RALGAPB: variants seen among roughly 807,000 people sequenced by gnomAD.
The protein encoded by RALGAPB is Ral GTPase activating protein non-catalytic subunit beta.
Under a neutral mutation model 161.1 loss-of-function variants are expected in RALGAPB, and 25 were observed. That is an observed-to-expected ratio of 0.16 (90% CI 0.11 to 0.22). The LOEUF is 0.22. RALGAPB is among the 10% of genes least tolerant of loss of function. The probability of loss-of-function intolerance (pLI) is 1.00; values close to 1 mark genes in which losing one functional copy is unlikely to be tolerated. For missense variants in RALGAPB, 1,391 were observed against 1,815.2 expected, an observed-to-expected ratio of 0.77 and a Z score of 4.25; for synonymous variants, 629 against 626.1, an observed-to-expected ratio of 1.00 and a Z score of -0.07.
chr20:38,562,425 G>T, intron 23 of RALGAPB, 107 bp from the exon 24 acceptor site: 1 of 932,568 alleles, frequency 1.1e-6, no homozygotes, highest in Non-Finnish European at 1.6e-6. Context: ...TTCTGAGCTT[G>T]GACATGATTT....
At chr20:38,487,117 T>G (rs1380912831) in intron 1 of RALGAPB, among the ~76,000 whole-genome samples, 2 of 152,192 alleles carry the variant, frequency 1.3e-5, no homozygotes, top group Admixed American at 6.5e-5. Flanking sequence ...GGCTGAGTAC[T>G]TCATAAGATG....
chr20:38,558,605 CA>C lies in RALGAPB; in HGVS notation c.3531+155del, dbSNP rs535272754. On this transcript the variant is annotated intron_variant, in intron 23 of 29. Coordinates refer to ENST00000262879, the MANE Select transcript of RALGAPB (RefSeq NM_020336.4). ...AAGTGCTGGAAAGTGCTTCCAAGAA[CA>C]AAGGAGAGGCTCAAGTTTTTAAAGA... 102 of 653,234 alleles carry C rather than the reference CA, an allele frequency of 1.6e-4. No homozygotes were observed. The South Asian group carries it at 3.8e-3, about 24-fold the overall frequency. The allele number at this position is 653,234 out of a possible 1,614,324, so 40.5% of individuals were successfully genotyped here.
chr20:38,488,585 T>A lies in RALGAPB; in HGVS notation c.153T>A (p.Ala51=). Residue 51 remains alanine (A), a synonymous_variant, in exon 2 of 30, where the codon GCT becomes GCA. Coordinates refer to ENST00000262879, the MANE Select transcript of RALGAPB (RefSeq NM_020336.4). ...AGGTGTTAGGTACCCCTTCAGTGGC[T>A]GGTAGTGAGAATTTGTTAAAAACTG... is the stretch of plus-strand genomic sequence containing the variant. ...LGQVLGTPSV[A]GSENLLKTDK... 6.2e-7 allele frequency: 1 copy of A among 1,613,290 alleles called. No homozygotes were observed.
At chr20:38,476,085 G>A (rs1356729952) in intron 1 of RALGAPB, among the ~76,000 whole-genome samples, 1 of 152,210 alleles carries the variant, frequency 6.6e-6, no homozygotes, top group East Asian at 1.9e-4. Context: ...TAGGGACACA[G>A]TATCCAGTTC....
intron 5 of RALGAPB, among the ~76,000 whole-genome samples, chr20:38,502,214 A>G (rs996996626): frequency 6.6e-6 from 1 of 152,194 alleles, no homozygotes; most frequent in East Asian, 1.9e-4. Context: ...TGAAAACTCC[A>G]TGTGACACTA....
At position 38,574,174 on chromosome 20, in the gene RALGAPB, T is replaced by A. The variant is rs745450890; in HGVS notation, c.4167T>A (p.Val1389=). The change falls in exon 29 of 30, where the codon GTT becomes GTA. Residue 1389 remains valine, a synonymous_variant. Coordinates refer to ENST00000262879, the MANE Select transcript of RALGAPB (RefSeq NM_020336.4). ...SLRSTTLEKE[V]PVIFIHPLNT... is the part of the protein sequence containing the mutation. ...GATCTACAACTCTTGAAAAAGAAGT[T>A]CCTGTCATCTTCATCCACCCTTTAA... 7 of 1,607,266 alleles carry A rather than the reference T, an allele frequency of 4.4e-6. No homozygotes were observed. The Admixed American group carries it at 8.6e-5, about 20-fold the overall frequency.
chr20:38,498,272 C>G (rs897726277), intron 4 of RALGAPB, among the ~76,000 whole-genome samples: 2 of 152,130 alleles, frequency 1.3e-5, no homozygotes, highest in Non-Finnish European at 2.9e-5. Context: ...CCATTAAATG[C>G]CTCCAGTTTT....
rs186038162 is a variant in RALGAPB, at chr20:38,516,984, A to G, written c.1052-522A>G. On this transcript the variant is annotated intron_variant, in intron 7 of 29. Transcript: ENST00000262879. ...GATTAAGTTTGGCTGCCACGTAACA[A>G]CCAAAAATCCTATTGTAAACAAGAT... Among the ~76,000 whole-genome samples the G allele has an allele frequency of 2.6e-5, 4 of 152,370 alleles. No individual in the cohort carries two copies. In the East Asian group the frequency reaches 7.7e-4, roughly 29 times the overall value.
At chr20:38,483,125 G>A (rs1323138305) in intron 1 of RALGAPB, among the ~76,000 whole-genome samples, 1 of 152,206 alleles carries the variant, frequency 6.6e-6, no homozygotes. Context: ...TTGGACTCAA[G>A]CAATGTGCCC....
chr20:38,501,415 C>T (rs188815793), intron 5 of RALGAPB, among the ~76,000 whole-genome samples: 2 of 152,284 alleles, frequency 1.3e-5, no homozygotes, highest in Admixed American at 1.3e-4. Flanking sequence ...AGTTTGAGAC[C>T]ACTCTGGGCA....
chr20:38,523,050 A>T (rs1166015431), intron 10 of RALGAPB, among the ~76,000 whole-genome samples: 2 of 152,164 alleles, frequency 1.3e-5, no homozygotes, highest in South Asian at 2.1e-4. Flanking sequence ...GCTACTCGGG[A>T]AGCTGAGGCA....
At position 38,574,746 on chromosome 20, in the gene RALGAPB, G is replaced by A. The variant is rs200073039; in HGVS notation, c.4292-28G>A. ...CCTACGTAAGTGACTAGTTTCTAAC[G>A]TTTATTTTAAAACTCTCTATTTTCA... On this transcript the variant is annotated intron_variant, in intron 29 of 29. Transcript: ENST00000262879. 5 of 1,591,282 alleles carry A rather than the reference G, an allele frequency of 3.1e-6. 1 individual carries two copies. Among genetic ancestry groups the A allele is most frequent in the South Asian group, 2.2e-5 (2 of 90,444 alleles).
rs746125681 is a variant in RALGAPB, at chr20:38,517,876, A to T, written c.1293A>T (p.Pro431=). Residue 431 remains proline, a synonymous_variant, in exon 9 of 30, where the codon CCA becomes CCT. Transcript: ENST00000262879. ...SPNQTSSEPR[P]LPAPRRPKVN... ...ATCAGACTAGTTCAGAACCCCGGCC[A>T]CTGCCTGCCCCTCGGAGACCAAAGG... 6.2e-7 allele frequency: 1 copy of T among 1,613,820 alleles called. No homozygotes were observed. Among genetic ancestry groups the T allele is most frequent in the South Asian group, 1.1e-5 (1 of 91,078 alleles).
chr20:38,502,971 T>C (rs1416596875), intron 5 of RALGAPB, among the ~76,000 whole-genome samples: 4 of 152,218 alleles, frequency 2.6e-5, no homozygotes, highest in South Asian at 2.1e-4. Flanking sequence ...ATAATGGCTA[T>C]TCACACCTCC....
In RALGAPB at chr20:38,472,879, C is replaced by T. The variant is rs2084690691; in HGVS notation, c.-221C>T. ...GCCTGAGCAGATCCCAGCCGGCTGG[C>T]TCGAGTGGCCTTCGTCGTCCCTTGG... On this transcript the variant is annotated 5_prime_UTR_variant, in exon 1 of 30. Coordinates refer to ENST00000262879, the MANE Select transcript of RALGAPB (RefSeq NM_020336.4). The T allele has an allele frequency of 1.3e-5, 5 of 398,854 alleles. No individual in the cohort carries two copies. The Admixed American group carries it at 1.3e-4, about 11-fold the overall frequency. 24.7% of individuals were successfully genotyped at this position (398,854 alleles called of 1,614,324 possible). A position where few individuals can be genotyped will look rare whatever the true frequency, so the allele number is the denominator to read the frequency against.
chr20:38,555,611 G>T (rs1444415323), intron 22 of RALGAPB, among the ~76,000 whole-genome samples: 1 of 152,110 alleles, frequency 6.6e-6, no homozygotes, highest in Non-Finnish European at 1.5e-5. Flanking sequence ...GAAAATTAAT[G>T]CTTCCTATGG....
intron 3 of RALGAPB, 97 bp downstream of exon 3, chr20:38,493,229 C>T: frequency 1.1e-6 from 1 of 943,922 alleles, no homozygotes; most frequent in Non-Finnish European, 1.6e-6. Context: ...TGTTAGTCCT[C>T]TGAACAGTGA....
chr20:38,476,525 ATTG>A (rs1340930014), intron 1 of RALGAPB, among the ~76,000 whole-genome samples: 4 of 151,856 alleles, frequency 2.6e-5, no homozygotes, highest in Admixed American at 2.0e-4. Context: ...TGTCTTGTGT[ATTG>A]TTGTGTTGTG....
chr20:38,473,996 C>T (rs764745445), intron 1 of RALGAPB, among the ~76,000 whole-genome samples: 131 of 152,278 alleles, frequency 8.6e-4, no homozygotes, highest in Middle Eastern at 6.8e-3. Flanking sequence ...AGGTTCCACC[C>T]GCAGAGATCT....
Sources: gnomAD v4.1 joint callset for allele counts (sites outside exome capture counted in the v4.1 genomes callset) on GRCh38, gnomAD v4.1.1 for gene constraint, MANE v1.5 for transcripts, NCBI Gene and HGNC (gene_info 2026-07-23, HGNC 2026-07-21) for gene names.